NLGN1: variants seen among roughly 807,000 people sequenced by gnomAD.
NLGN1 encodes the protein neuroligin 1.
In NLGN1, 12 loss-of-function variants were observed where a neutral mutation model predicts 65.5. The observed-to-expected ratio is 0.18, with a 90% CI of 0.12 to 0.30. The LOEUF is 0.30. Among genes scored for constraint, NLGN1 ranks in the 10% least tolerant of loss-of-function variants. NLGN1 has a pLI of 1.00. For synonymous variants in NLGN1, 350 were observed against 359.5 expected, an observed-to-expected ratio of 0.97 and a Z score of 0.30; for missense variants, 750 against 1,007.1, an observed-to-expected ratio of 0.74 and a Z score of 3.46.
intron 4 of NLGN1, among the ~76,000 whole-genome samples, chr3:174,004,298 A>G (rs1466675098): frequency 6.6e-6 from 1 of 152,198 alleles, no homozygotes; most frequent in African/African-American, 2.4e-5. Context: ...GATTCTCTAC[A>G]AAACTAGGCT....
At chr3:173,963,064 T>G (rs1388294653) in intron 4 of NLGN1, among the ~76,000 whole-genome samples, 1 of 152,148 alleles carries the variant, frequency 6.6e-6, no homozygotes, top group Non-Finnish European at 1.5e-5. Flanking sequence ...ACAATAATAA[T>G]ATGCTACCAT....
intron 4 of NLGN1, chr3:174,180,932 C>G (rs986125720): frequency 3.3e-5 from 5 of 151,910 alleles, no homozygotes; most frequent in African/African-American, 4.8e-5. Context: ...GTATTTAAAT[C>G]AGTTTTGAAA....
chr3:173,558,667 A>G (rs1183114772), intron 2 of NLGN1, among the ~76,000 whole-genome samples: 6 of 152,056 alleles, frequency 3.9e-5, no homozygotes, highest in Non-Finnish European at 7.4e-5. Flanking sequence ...CTCTTCATTC[A>G]TTATATCCAT....
chr3:174,155,077 TTTAAATATTTAAGATGTTTTATCTTAAA>T (rs1191572652), intron 4 of NLGN1, among the ~76,000 whole-genome samples: 2 of 116,346 alleles, frequency 1.7e-5, no homozygotes, highest in Non-Finnish European at 3.3e-5. Context: ...TTTATATTAT[TTTAAATATTTAAGATGTTTTATCTTAAA>T]TATTTGGAAT....
At chr3:173,669,575 G>T (rs1281239427) in intron 3 of NLGN1, among the ~76,000 whole-genome samples, 1 of 152,114 alleles carries the variant, frequency 6.6e-6, no homozygotes, top group African/African-American at 2.4e-5. Flanking sequence ...ATTTCACTAA[G>T]TCCTCATCTT....
chr3:173,490,452 T>G (rs1435200896), intron 2 of NLGN1, among the ~76,000 whole-genome samples: 1 of 151,532 alleles, frequency 6.6e-6, no homozygotes, highest in African/African-American at 2.4e-5. Flanking sequence ...CATTGGTCTA[T>G]ATCTCTGTTT....
At chr3:173,944,010 A>T (rs1579329125) in intron 4 of NLGN1, among the ~76,000 whole-genome samples, 1 of 152,208 alleles carries the variant, frequency 6.6e-6, no homozygotes, top group Non-Finnish European at 1.5e-5. Flanking sequence ...TTTGACAGAC[A>T]TGTACAAATG....
intron 3 of NLGN1, among the ~76,000 whole-genome samples, chr3:173,629,158 C>A (rs1256667310): frequency 6.6e-6 from 1 of 150,666 alleles, no homozygotes; most frequent in African/African-American, 2.4e-5. Context: ...TTTAGACTAT[C>A]TTGTTGCTTC....
intron 2 of NLGN1, among the ~76,000 whole-genome samples, chr3:173,503,501 C>T (rs1482125792): frequency 2.0e-5 from 3 of 152,056 alleles, no homozygotes; most frequent in African/African-American, 4.8e-5. Context: ...CGAAGTTGTA[C>T]ATGAGAAAGA....
intron 4 of NLGN1, among the ~76,000 whole-genome samples, chr3:174,064,983 T>C (rs979380186): frequency 4.0e-4 from 60 of 151,768 alleles, no homozygotes; most frequent in African/African-American, 1.4e-3. Context: ...GAAAACTGCA[T>C]ATTCAATTCA....
At chr3:174,115,211 G>A (rs1024013888) in intron 4 of NLGN1, among the ~76,000 whole-genome samples, 1 of 152,158 alleles carries the variant, frequency 6.6e-6, no homozygotes, top group African/African-American at 2.4e-5. Flanking sequence ...ATTTTGTACA[G>A]CTGCTGGTTA....
chr3:173,921,027 C>T (rs994489986), intron 4 of NLGN1, among the ~76,000 whole-genome samples: 2 of 151,642 alleles, frequency 1.3e-5, no homozygotes, highest in African/African-American at 4.8e-5. Flanking sequence ...CTTACTTATC[C>T]AACTTACTTT....
Position 173,418,552 on chromosome 3 carries a change from T to A in NLGN1, c.-389-16458T>A, listed in dbSNP as rs73047936. Among the ~76,000 whole-genome samples, 1,494 of 152,312 alleles carry A rather than the reference T, an allele frequency of 9.8e-3. 25 individuals are homozygous for A. The highest frequency in any genetic ancestry group is 0.033 in the African/African-American group (1,390 of 41,566). On this transcript the variant is annotated intron_variant, in intron 1 of 6. Coordinates refer to ENST00000457714, the Ensembl canonical transcript of NLGN1. ...TTTTCCAATCCAATAGGTATGATCT[T>A]TCTTCTCATTGTATAAATTGGCAAG...
chr3:173,883,445 A>T (rs559915111), intron 4 of NLGN1, among the ~76,000 whole-genome samples: 35 of 152,326 alleles, frequency 2.3e-4, no homozygotes, highest in African/African-American at 8.4e-4. Context: ...ATAATGAAAA[A>T]GCTTGAAGTA....
chr3:173,492,275 T>C (rs1439135629), intron 2 of NLGN1, among the ~76,000 whole-genome samples: 3 of 151,878 alleles, frequency 2.0e-5, no homozygotes, highest in Admixed American at 6.6e-5. Flanking sequence ...TATGTCTCCC[T>C]GCATCTGCAT....
chr3:173,500,637 C>A (rs540811898), intron 2 of NLGN1, among the ~76,000 whole-genome samples: 1 of 152,228 alleles, frequency 6.6e-6, no homozygotes, highest in African/African-American at 2.4e-5. Flanking sequence ...GTACCAGCTC[C>A]TCTTTGTACC....
intron 1 of NLGN1, among the ~76,000 whole-genome samples, chr3:173,417,433 G>T (rs1292328140): frequency 6.6e-6 from 1 of 151,698 alleles, no homozygotes; most frequent in African/African-American, 2.4e-5. Flanking sequence ...AAAAAATAGT[G>T]ATTTTCTATT....
intron 3 of NLGN1, among the ~76,000 whole-genome samples, chr3:173,696,318 G>T (rs1187433779): frequency 6.6e-6 from 1 of 152,118 alleles, no homozygotes; most frequent in East Asian, 1.9e-4. Context: ...TGACTCCAAT[G>T]TCTACCTTAG....
chr3:174,008,345 C>T (rs1261575795), intron 4 of NLGN1, among the ~76,000 whole-genome samples: 3 of 125,376 alleles, frequency 2.4e-5, no homozygotes, highest in East Asian at 5.6e-4. Flanking sequence ...TAATATCCAA[C>T]CCGTCCCCCC....
Sources: gnomAD v4.1 joint callset for allele counts (sites outside exome capture counted in the v4.1 genomes callset) on GRCh38, gnomAD v4.1.1 for gene constraint, MANE v1.5 for transcripts, NCBI Gene and HGNC (gene_info 2026-07-23, HGNC 2026-07-21) for gene names.